INPP5A: variants seen among roughly 807,000 people sequenced by gnomAD.
INPP5A encodes 43 kDa inositol polyphosphate 5-phophatase.
A neutral mutation model predicts 65.2 loss-of-function variants in INPP5A; 14 were observed. That is an observed-to-expected ratio of 0.21 (90% CI 0.14 to 0.34). The LOEUF (loss-of-function observed/expected upper bound fraction) is 0.34. Ranked by LOEUF, INPP5A falls within the 10% of genes least tolerant of loss-of-function variation. INPP5A has a pLI of 1.00. For synonymous variants in INPP5A, 207 were observed against 208.3 expected, an observed-to-expected ratio of 0.99 and a Z score of 0.05; for missense variants, 431 against 545.6, an observed-to-expected ratio of 0.79 and a Z score of 2.09.
rs1031549183 is a variant in INPP5A at position 132,727,492 on chromosome 10, G to A, written c.732+587G>A. 1 of 152,298 alleles carries A rather than the reference G, an allele frequency of 6.6e-6. No individual in the cohort carries two copies. Among genetic ancestry groups the A allele is most frequent in the Admixed American group, 6.5e-5 (1 of 15,276 alleles). 9.4% of individuals were successfully genotyped at this position (152,298 alleles called of 1,614,324 possible). A position where few individuals can be genotyped will look rare whatever the true frequency, so the allele number is the denominator to read the frequency against. On this transcript the variant is annotated intron_variant, in intron 9 of 15. Coordinates refer to ENST00000368594, the MANE Select transcript of INPP5A (RefSeq NM_005539.5). The surrounding 1 kb of genome is among the most constrained non-coding windows in gnomAD (Gnocchi z 6.5). ...GCCGGGGACCAGCAGCTTGGGCGCC[G>A]AGGTGCCACCGACAGGAAGTGGGCC...
At chr10:132,539,788 T>C (rs541186526) in intron 1 of INPP5A, among the ~76,000 whole-genome samples, 4 of 143,806 alleles carry the variant, frequency 2.8e-5, no homozygotes, top group Admixed American at 1.5e-4. Flanking sequence ...CAGGAGGAGG[T>C]CTTGTGTCTT....
Position 132,614,613 on chromosome 10 carries a change from C to T in INPP5A, c.117+6657C>T, listed in dbSNP as rs573731099. Reference sequence around the variant, plus strand: ...ATCACCAGGGGTTCCAGAATCTTCTCTATGTCAGGAGGGGCTCAGGCCCCA... The same window carrying T: ...ATCACCAGGGGTTCCAGAATCTTCTTTATGTCAGGAGGGGCTCAGGCCCCA... On this transcript the variant is annotated intron_variant, in intron 2 of 15. Coordinates refer to ENST00000368594, the MANE Select transcript of INPP5A (RefSeq NM_005539.5). Among the ~76,000 whole-genome samples the T allele has an allele frequency of 6.6e-5, 10 of 152,366 alleles. No individual in the cohort carries two copies. In the East Asian group the frequency reaches 1.9e-3, roughly 29 times the overall value.
rs113285685 is a variant in INPP5A, at chr10:132,636,797, G to A, written c.118-9071G>A. On this transcript the variant is annotated intron_variant, in intron 2 of 15. Transcript: ENST00000368594. ...TGAAGGATGCTTTGCTGGATAAATC[G>A]CCCTTGGTTCAGGCCTCATTTCACT... Among the ~76,000 whole-genome samples, 1,248 of 152,296 alleles carry A rather than the reference G, an allele frequency of 8.2e-3. 15 individuals carry two copies. Among genetic ancestry groups the A allele is most frequent in the African/African-American group, 0.029 (1,188 of 41,560 alleles).
chr10:132,769,645 G>A (rs112730890), intron 12 of INPP5A, among the ~76,000 whole-genome samples: 2,627 of 152,324 alleles, frequency 0.017, 64 homozygotes, highest in African/African-American at 0.058. Context: ...GAGTGGATGC[G>A]GGGTCAGGTG....
chr10:132,766,897 C>T (rs1846855782), intron 12 of INPP5A, among the ~76,000 whole-genome samples: 1 of 122,152 alleles, frequency 8.2e-6, no homozygotes, highest in Non-Finnish European at 1.7e-5. Context: ...GATGCGGCCT[C>T]AGGGAGCTTG....
Position 132,607,811 on chromosome 10 carries a change from G to A in INPP5A, c.76-104G>A, listed in dbSNP as rs571903339. Reference sequence around the variant, plus strand: ...TCCATGCGGGGTGGGCCCGGGCTGCGCCTCTGCTCCTGCCCCACGTTGTCT... The same window carrying A: ...TCCATGCGGGGTGGGCCCGGGCTGCACCTCTGCTCCTGCCCCACGTTGTCT... On this transcript the variant is annotated intron_variant, in intron 1 of 15. Coordinates refer to ENST00000368594, the MANE Select transcript of INPP5A (RefSeq NM_005539.5). 159 of 1,169,130 alleles carry A rather than the reference G, an allele frequency of 1.4e-4. No individual in the cohort carries two copies. In the East Asian group the frequency reaches 2.8e-3, roughly 21 times the overall value. 72.4% of individuals were successfully genotyped at this position (1,169,130 alleles called of 1,614,324 possible). A position where few individuals can be genotyped will look rare whatever the true frequency, so the allele number is the denominator to read the frequency against.
At chr10:132,777,916 C>G in intron 13 of INPP5A, 134 bp downstream of exon 13, 1 of 1,502,240 alleles carries the variant, frequency 6.7e-7, no homozygotes, top group South Asian at 1.3e-5. Flanking sequence ...GGGCCCTGAC[C>G]TCGTGCTGCC....
At chr10:132,613,240 C>A (rs1366243504) in intron 2 of INPP5A, among the ~76,000 whole-genome samples, 5 of 152,140 alleles carry the variant, frequency 3.3e-5, no homozygotes, top group Non-Finnish European at 7.4e-5. Flanking sequence ...GCCCCTGGAA[C>A]GCCACGGCCC....
intron 4 of INPP5A, among the ~76,000 whole-genome samples, chr10:132,664,173 C>T (rs919508947): frequency 2.0e-4 from 31 of 152,204 alleles, no homozygotes; most frequent in South Asian, 6.2e-4. Flanking sequence ...TTCCGGAGCC[C>T]CGTGAGCTGC....
chr10:132,557,499 G>A (rs117076488), intron 1 of INPP5A, among the ~76,000 whole-genome samples: 13 of 152,352 alleles, frequency 8.5e-5, no homozygotes, highest in Admixed American at 3.3e-4. Context: ...GAAAATGGCC[G>A]CTCTCAGCTG....
intron 2 of INPP5A, among the ~76,000 whole-genome samples, chr10:132,636,129 T>A (rs2072348306): frequency 6.6e-6 from 1 of 151,594 alleles, no homozygotes; most frequent in Admixed American, 6.6e-5. Flanking sequence ...GTTGGAAATA[T>A]TATTTCAAAA....
intron 1 of INPP5A, among the ~76,000 whole-genome samples, chr10:132,576,435 T>C (rs149360427): frequency 5.1e-4 from 77 of 152,146 alleles, no homozygotes; most frequent in Non-Finnish European, 1.0e-3. Context: ...CACACAGTCC[T>C]GGCCCTGGAT....
At chr10:132,630,282 G>C (rs1386733589) in intron 2 of INPP5A, among the ~76,000 whole-genome samples, 1 of 151,248 alleles carries the variant, frequency 6.6e-6, no homozygotes, top group Non-Finnish European at 1.5e-5. Context: ...AGGCATCCTT[G>C]AGGGGAAGGC....
chr10:132,642,149 G>C (rs943020639), intron 2 of INPP5A, among the ~76,000 whole-genome samples: 3 of 151,742 alleles, frequency 2.0e-5, no homozygotes, highest in Non-Finnish European at 4.4e-5. Flanking sequence ...TCTGCGGTCT[G>C]GGGACAGCCT....
chr10:132,726,778 C>A (rs201562519), intron 8 of INPP5A, 43 bp from the exon 9 acceptor site: 6 of 1,454,580 alleles, frequency 4.1e-6, no homozygotes, highest in African/African-American at 1.4e-5. Context: ...GAGGGCTGGC[C>A]GGCTTCAGCG....
At chr10:132,713,836 G>A (rs1845692943) in intron 8 of INPP5A, among the ~76,000 whole-genome samples, 1 of 152,196 alleles carries the variant, frequency 6.6e-6, no homozygotes, top group Non-Finnish European at 1.5e-5. Context: ...GCTCTCAACT[G>A]CCCACCGTAG....
intron 1 of INPP5A, among the ~76,000 whole-genome samples, chr10:132,586,829 C>T (rs948507117): frequency 1.3e-5 from 2 of 152,160 alleles, no homozygotes; most frequent in South Asian, 2.1e-4. Context: ...CAGGAGGCGG[C>T]GCAGCGCGGC....
At chr10:132,690,251 G>A in intron 4 of INPP5A, 141 bp from the exon 5 acceptor site, 1 of 646,724 alleles carries the variant, frequency 1.5e-6, no homozygotes, top group Non-Finnish European at 2.7e-6. Flanking sequence ...GACATCCTGT[G>A]CCTCAGTAAC....
At chr10:132,584,427 A>G (rs1188649086) in intron 1 of INPP5A, among the ~76,000 whole-genome samples, 1 of 152,170 alleles carries the variant, frequency 6.6e-6, no homozygotes, top group East Asian at 1.9e-4. Context: ...AAAGTTTTCT[A>G]TTCATTATGT....
Sources: gnomAD v4.1 joint callset for allele counts (sites outside exome capture counted in the v4.1 genomes callset) on GRCh38, gnomAD v4.1.1 for gene constraint, Gnocchi (gnomAD v3.1) non-coding constraint, MANE v1.5 for transcripts, NCBI Gene and HGNC (gene_info 2026-07-23, HGNC 2026-07-21) for gene names.